TMEM131L: variants seen among roughly 807,000 people sequenced by gnomAD.
TMEM131L encodes the protein transmembrane 131 like.
A neutral mutation model predicts 192.2 loss-of-function variants in TMEM131L; 54 were observed. That is an observed-to-expected ratio of 0.28 (90% confidence interval 0.23 to 0.35). TMEM131L has a LOEUF of 0.35. Ranked by LOEUF, TMEM131L falls within the 10% of genes least tolerant of loss-of-function variation. The probability of loss-of-function intolerance (pLI) is 1.00; values close to 1 mark genes in which losing one functional copy is unlikely to be tolerated. For synonymous variants in TMEM131L, 701 were observed against 704.9 expected, an observed-to-expected ratio of 0.99 and a Z score of 0.09; for missense variants, 1,888 against 1,972.9, an observed-to-expected ratio of 0.96 and a Z score of 0.82.
chr4:153,625,545 ATAG>A (rs1305212185), intron 29 of TMEM131L, among the ~76,000 whole-genome samples: 2 of 152,164 alleles, frequency 1.3e-5, no homozygotes, highest in African/African-American at 4.8e-5. Context: ...AGGTTATATA[ATAG>A]TAGGGAAATG....
intron 34 of TMEM131L, 150 bp from the exon 35 acceptor site, chr4:153,636,151 T>A (rs1734554834): frequency 2.6e-6 from 2 of 760,382 alleles, no homozygotes; most frequent in Non-Finnish European, 4.1e-6. Flanking sequence ...TGAGAAAAAA[T>A]GGAGTTAAAG....
chr4:153,533,805 TG>T (rs1223820410), intron 3 of TMEM131L, among the ~76,000 whole-genome samples: 2 of 152,236 alleles, frequency 1.3e-5, no homozygotes, highest in Non-Finnish European at 2.9e-5. Context: ...GTTTCTTAGT[TG>T]TCTTGCCCTC....
In TMEM131L at chr4:153,598,647, A is replaced by G; in HGVS notation, c.2181A>G (p.Leu727=). The change falls in exon 21 of 35, where the codon TTA becomes TTG. Residue 727 remains leucine, a synonymous_variant. Coordinates refer to ENST00000409959, the MANE Select transcript of TMEM131L (RefSeq NM_001131007.2). ...TGGAAGGATTTGGAGCAAGAGAGTT[A>G]TTAAAAGTGGGTGGAAGACTTCCTG... The part of the protein sequence containing the change: ...IGVEGFGARE[L]LKVGGRLPGA... 1 of 1,613,984 alleles carries G rather than the reference A, an allele frequency of 6.2e-7. No homozygotes were observed. The highest frequency in any genetic ancestry group is 1.1e-5 in the South Asian group (1 of 91,072).
chr4:153,543,999 G>T (rs992956800), intron 3 of TMEM131L, among the ~76,000 whole-genome samples: 1 of 152,178 alleles, frequency 6.6e-6, no homozygotes, highest in African/African-American at 2.4e-5. Context: ...AGGCAGAGGG[G>T]GTTTGTGAAA....
chr4:153,510,042 G>GTA (rs1282367259), intron 3 of TMEM131L, among the ~76,000 whole-genome samples: 1 of 152,166 alleles, frequency 6.6e-6, no homozygotes, highest in Non-Finnish European at 1.5e-5. Context: ...GAGTGAAAGT[G>GTA]TATAGAAGCA....
At chr4:153,582,347 C>T (rs1432757630) in intron 9 of TMEM131L, among the ~76,000 whole-genome samples, 2 of 150,706 alleles carry the variant, frequency 1.3e-5, no homozygotes, top group Admixed American at 6.6e-5. Flanking sequence ...TGGGCTCAAG[C>T]GATCCTGCCA....
intron 7 of TMEM131L, among the ~76,000 whole-genome samples, chr4:153,579,614 A>C (rs1730196419): frequency 6.6e-6 from 1 of 152,070 alleles, no homozygotes; most frequent in African/African-American, 2.4e-5. Context: ...TGGGACTATA[A>C]GCGCACATCA....
intron 26 of TMEM131L, among the ~76,000 whole-genome samples, chr4:153,619,260 G>A (rs866725652): frequency 1.3e-5 from 2 of 152,072 alleles, no homozygotes; most frequent in African/African-American, 4.8e-5. Flanking sequence ...TTGCTGTGTC[G>A]ACAAGCCTTT....
Position 153,625,121 on chromosome 4 carries a change from A to T in TMEM131L, c.4046-1026A>T, listed in dbSNP as rs557077827. ...CCTGATGATTCCAGTGTGGGATTTT[A>T]AAAATGGAGGCCGGGCGCAGTGGCT... On this transcript the variant is annotated intron_variant, in intron 29 of 34. Transcript: ENST00000409959. Among the ~76,000 whole-genome samples the T allele has an allele frequency of 2.6e-5, 4 of 152,282 alleles. No individual in the cohort carries two copies. The East Asian group carries it at 5.8e-4, about 22-fold the overall frequency.
chr4:153,466,608 C>T, intron 1 of TMEM131L, 87 bp downstream of exon 1: 1 of 1,176,576 alleles, frequency 8.5e-7, no homozygotes, highest in Non-Finnish European at 1.1e-6. Flanking sequence ...TATAAGAGGG[C>T]GAGGGGAGGA....
At chr4:153,522,792 C>T (rs911522915) in intron 3 of TMEM131L, among the ~76,000 whole-genome samples, 4 of 152,176 alleles carry the variant, frequency 2.6e-5, no homozygotes, top group Non-Finnish European at 4.4e-5. Flanking sequence ...CATTTCTCAC[C>T]TCACCTCCCC....
At chr4:153,466,981 G>A (rs1730799850) in intron 1 of TMEM131L, among the ~76,000 whole-genome samples, 1 of 152,136 alleles carries the variant, frequency 6.6e-6, no homozygotes, top group Non-Finnish European at 1.5e-5. Context: ...CCCAGCACGA[G>A]CACCCCGAGC....
intron 3 of TMEM131L, among the ~76,000 whole-genome samples, chr4:153,483,554 G>C (rs1455383698): frequency 3.3e-5 from 5 of 151,890 alleles, no homozygotes; most frequent in African/African-American, 1.2e-4. Flanking sequence ...CAAAAAAAAA[G>C]TGGGGCGTGG....
At chr4:153,474,535 C>T (rs543473321) in intron 3 of TMEM131L, among the ~76,000 whole-genome samples, 18 of 152,230 alleles carry the variant, frequency 1.2e-4, no homozygotes, top group Admixed American at 9.2e-4. Context: ...CTTTAGAAGT[C>T]GCAGTAAGGA....
intron 13 of TMEM131L, 49 bp downstream of exon 13, chr4:153,585,660 T>G (rs1730654601): frequency 7.2e-7 from 1 of 1,397,498 alleles, no homozygotes; most frequent in Admixed American, 2.0e-5. Context: ...TAAGCTTTGT[T>G]TAAGGTCAGA....
intron 3 of TMEM131L, among the ~76,000 whole-genome samples, chr4:153,497,582 T>C (rs759405283): frequency 1.2e-3 from 181 of 152,340 alleles, no homozygotes; most frequent in Admixed American, 2.0e-3. Context: ...TTTTATGTTA[T>C]ATATTCAGAG....
At chr4:153,621,532 C>T in intron 27 of TMEM131L, 151 bp from the exon 28 acceptor site, 1 of 680,094 alleles carries the variant, frequency 1.5e-6, no homozygotes, top group Non-Finnish European at 2.4e-6. Context: ...CCTTTCTGCT[C>T]ATCATACTCT....
rs186674424 is a variant in TMEM131L at position 153,525,480 on chromosome 4, C to T, written c.240-24593C>T. Among the ~76,000 whole-genome samples, 464 of 152,174 alleles carry T rather than the reference C, an allele frequency of 3.0e-3. 3 individuals are homozygous for T. The highest frequency in any genetic ancestry group is 0.011 in the African/African-American group (441 of 41,490). On this transcript the variant is annotated intron_variant, in intron 3 of 34. Transcript: ENST00000409959. ...TCAGCCTCCCAGGTAGCTGGGGTTA[C>T]AGGTGCACGCCACCACACCTGGCTA...
chr4:153,626,107 A>T lies in TMEM131L; in HGVS notation c.4046-40A>T, dbSNP rs747530712. ...AATACCGAATATACAGTTGAAGTGTACTTTTTGAAACTTGTGATAATGTGT... is the reference window on the plus strand; with the variant it reads ...AATACCGAATATACAGTTGAAGTGTTCTTTTTGAAACTTGTGATAATGTGT... On this transcript the variant is annotated intron_variant, in intron 29 of 34. Coordinates refer to ENST00000409959, the MANE Select transcript of TMEM131L (RefSeq NM_001131007.2). The T allele has an allele frequency of 1.0e-5, 13 of 1,292,734 alleles. No individual in the cohort carries two copies. The East Asian group carries it at 2.5e-4, about 25-fold the overall frequency. 80.1% of individuals were successfully genotyped at this position (1,292,734 alleles called of 1,614,324 possible). A position where few individuals can be genotyped will look rare whatever the true frequency, so the allele number is the denominator to read the frequency against.
Sources: gnomAD v4.1 joint callset for allele counts (sites outside exome capture counted in the v4.1 genomes callset) on GRCh38, gnomAD v4.1.1 for gene constraint, MANE v1.5 for transcripts, NCBI Gene and HGNC (gene_info 2026-07-23, HGNC 2026-07-21) for gene names.